Variants in WRN observed in about 807,000 individuals in gnomAD.
WRN encodes WRN RecQ like helicase, also known as bifunctional 3'-5' exonuclease/ATP-dependent helicase WRN.
Under a neutral mutation model 180.7 loss-of-function variants are expected in WRN, and 149 were observed. The observed-to-expected ratio is 0.82, with a 90% CI of 0.72 to 0.94. WRN has a LOEUF of 0.94. WRN is among the 40% of genes least tolerant of loss of function. WRN has a pLI of 0.00. For synonymous variants in WRN, 548 were observed against 568.9 expected, an observed-to-expected ratio of 0.96 and a Z score of 0.52; for missense variants, 1,661 against 1,700.1, an observed-to-expected ratio of 0.98 and a Z score of 0.40.
At chr8:31,067,660 T>A (rs1204569631) in intron 6 of WRN, among the ~76,000 whole-genome samples, 1 of 152,210 alleles carries the variant, frequency 6.6e-6, no homozygotes, top group African/African-American at 2.4e-5. Flanking sequence ...ATTAGATATA[T>A]TTTTATATTT....
At position 31,173,519 on chromosome 8, in the gene WRN, T is replaced by C. The variant is rs1305205130; in HGVS notation, c.*417T>C. The C allele has an allele frequency of 5.3e-6, 1 of 188,398 alleles. No homozygotes were observed. Among genetic ancestry groups the C allele is most frequent in the African/African-American group, 2.3e-5 (1 of 42,574 alleles). 11.7% of individuals were successfully genotyped at this position (188,398 alleles called of 1,614,324 possible). A position where few individuals can be genotyped will look rare whatever the true frequency, so the allele number is the denominator to read the frequency against. Reference sequence around the variant, plus strand: ...TCTGTTTTGTAAATGTAAGAAAGCATAGTTATTTTACAAATTGTTTTTACT... The same window carrying C: ...TCTGTTTTGTAAATGTAAGAAAGCACAGTTATTTTACAAATTGTTTTTACT... On this transcript the variant is annotated 3_prime_UTR_variant, in exon 35 of 35. Coordinates refer to ENST00000298139, the MANE Select transcript of WRN (RefSeq NM_000553.6).
intron 18 of WRN, among the ~76,000 whole-genome samples, chr8:31,107,197 A>G (rs893753108): frequency 6.6e-6 from 1 of 152,222 alleles, no homozygotes; most frequent in Admixed American, 6.5e-5. Flanking sequence ...ACATGTTTAG[A>G]AGGGATTTCT....
chr8:31,118,112 A>T (rs1402001431), intron 20 of WRN, among the ~76,000 whole-genome samples: 1 of 152,178 alleles, frequency 6.6e-6, no homozygotes. Flanking sequence ...ACGTTGTGAC[A>T]GGAGACTTTG....
intron 1 of WRN, among the ~76,000 whole-genome samples, chr8:31,048,087 A>G (rs1811935810): frequency 6.6e-6 from 1 of 152,192 alleles, no homozygotes; most frequent in Admixed American, 6.5e-5. Context: ...ATTGTGCTTT[A>G]TATAATATTT....
intron 7 of WRN, among the ~76,000 whole-genome samples, chr8:31,068,815 A>T (rs1812805514): frequency 6.6e-6 from 1 of 152,130 alleles, no homozygotes; most frequent in African/African-American, 2.4e-5. Context: ...TTACATTTCT[A>T]ATTTTCTTCT....
intron 18 of WRN, among the ~76,000 whole-genome samples, chr8:31,106,432 A>G (rs903891598): frequency 6.6e-6 from 1 of 151,978 alleles, no homozygotes; most frequent in Non-Finnish European, 1.5e-5. Context: ...TCCTCATGTA[A>G]TCTGGCCTTC....
chr8:31,062,249 T>C (rs1812514933), intron 3 of WRN, among the ~76,000 whole-genome samples: 1 of 152,208 alleles, frequency 6.6e-6, no homozygotes, highest in Non-Finnish European at 1.5e-5. Context: ...GCCTCCCTTG[T>C]TATATCATGT....
At chr8:31,121,222 G>C (rs1801714540) in intron 21 of WRN, among the ~76,000 whole-genome samples, 1 of 151,984 alleles carries the variant, frequency 6.6e-6, no homozygotes, top group Non-Finnish European at 1.5e-5. Context: ...CCAAGCTGAT[G>C]AAGTATTTTC....
chr8:31,062,290 T>C (rs1812516833), intron 3 of WRN, among the ~76,000 whole-genome samples: 1 of 152,268 alleles, frequency 6.6e-6, no homozygotes, highest in Admixed American at 6.5e-5. Context: ...GTTTCTTTTA[T>C]TTTTTAAATA....
intron 15 of WRN, 97 bp from the exon 16 acceptor site, chr8:31,091,733 A>G (rs1813753717): frequency 8.2e-7 from 1 of 1,221,052 alleles, no homozygotes; most frequent in South Asian, 1.3e-5. Context: ...GAACAGGAAT[A>G]TAAATTATTA....
intron 11 of WRN, among the ~76,000 whole-genome samples, chr8:31,087,330 A>G (rs944069532): frequency 3.9e-5 from 6 of 152,224 alleles, no homozygotes; most frequent in African/African-American, 1.2e-4. Flanking sequence ...ACAATTCCAA[A>G]ACACATTTAT....
At chr8:31,046,068 A>G (rs376026242) in intron 1 of WRN, among the ~76,000 whole-genome samples, 5 of 151,950 alleles carry the variant, frequency 3.3e-5, no homozygotes, top group African/African-American at 1.2e-4. Flanking sequence ...GCTGTTACTG[A>G]TTTTGGATAT....
At chr8:31,124,866 G>T (rs564194523) in intron 22 of WRN, 42 bp from the exon 23 acceptor site, 1 of 1,558,760 alleles carries the variant, frequency 6.4e-7, no homozygotes, top group African/African-American at 1.4e-5. Context: ...TAACATATAC[G>T]TTTCTGTTCT....
chr8:31,135,352 T>C (rs1229464776), intron 24 of WRN, among the ~76,000 whole-genome samples: 1 of 151,938 alleles, frequency 6.6e-6, no homozygotes, highest in East Asian at 1.9e-4. Flanking sequence ...CCAGGCTGAG[T>C]TTAAAATTTC....
At chr8:31,099,088 G>A (rs1563349835) in intron 17 of WRN, among the ~76,000 whole-genome samples, 1 of 151,558 alleles carries the variant, frequency 6.6e-6, no homozygotes, top group African/African-American at 2.4e-5. Context: ...GAGAGAGAGA[G>A]AAGGAAGGAA....
intron 7 of WRN, among the ~76,000 whole-genome samples, chr8:31,070,425 A>T (rs954494287): frequency 1.8e-5 from 2 of 108,898 alleles, no homozygotes; most frequent in Non-Finnish European, 4.1e-5. Context: ...CCATTGACTT[A>T]TTCCCAAGAT....
At chr8:31,066,928 G>C in intron 5 of WRN, 105 bp from the exon 6 acceptor site, 1 of 1,407,752 alleles carries the variant, frequency 7.1e-7, no homozygotes, top group East Asian at 2.3e-5. Flanking sequence ...TTGTATTTTG[G>C]TATAACATTT....
At chr8:31,146,648 A>C (rs1802867041) in intron 28 of WRN, among the ~76,000 whole-genome samples, 1 of 152,152 alleles carries the variant, frequency 6.6e-6, no homozygotes, top group African/African-American at 2.4e-5. Flanking sequence ...TGTTATAGCA[A>C]GGATCATACA....
chr8:31,145,322 A>C (rs1348773412), intron 28 of WRN, among the ~76,000 whole-genome samples: 1 of 152,214 alleles, frequency 6.6e-6, no homozygotes, highest in Non-Finnish European at 1.5e-5. Flanking sequence ...AGTTGAAGCC[A>C]GTGCTCAATT....
Sources: gnomAD v4.1 joint callset for allele counts (sites outside exome capture counted in the v4.1 genomes callset) on GRCh38, gnomAD v4.1.1 for gene constraint, MANE v1.5 for transcripts, NCBI Gene and HGNC (gene_info 2026-07-23, HGNC 2026-07-21) for gene names.